Variants in NXPE2 observed in about 807,000 individuals in gnomAD.
The protein encoded by NXPE2 is NXPE family member 2.
A neutral mutation model predicts 34.4 loss-of-function variants in NXPE2; 34 were observed. The ratio of observed to expected loss-of-function variants is 0.99; its 90% CI spans 0.75 to 1.31. The LOEUF is 1.31. Ranked by LOEUF, NXPE2 falls within the 40% of genes most tolerant of loss-of-function variation. The pLI is 0.00. For synonymous variants in NXPE2, 235 were observed against 231.3 expected, an observed-to-expected ratio of 1.02 and a Z score of -0.15; for missense variants, 649 against 672.5, an observed-to-expected ratio of 0.97 and a Z score of 0.39.
chr11:114,522,474 C>A, the NXPE2 span: 15 of 1,605,776 alleles, frequency 9.3e-6, no homozygotes, highest in African/African-American at 1.9e-4. Flanking sequence ...TTAAAGATTC[C>A]AGTTTCATGA....
At chr11:114,740,310 T>C in the NXPE2 span, among the ~76,000 whole-genome samples, 1 of 152,166 alleles carries the variant, frequency 6.6e-6, no homozygotes, top group Non-Finnish European at 1.5e-5. Context: ...GTGGAGCCTA[T>C]AGTGTGTGTA....
chr11:114,743,870 T>A, the NXPE2 span, among the ~76,000 whole-genome samples: 1 of 151,336 alleles, frequency 6.6e-6, no homozygotes, highest in South Asian at 2.1e-4. Flanking sequence ...TATAAGTATA[T>A]ATATGTGTAC....
the NXPE2 span, among the ~76,000 whole-genome samples, chr11:114,592,478 A>G: frequency 6.6e-6 from 1 of 151,994 alleles, no homozygotes; most frequent in African/African-American, 2.4e-5. Flanking sequence ...GATCTCTACA[A>G]TGAAAACTAC....
At chr11:114,673,807 G>C (rs141825777), upstream of NXPE2, among the ~76,000 whole-genome samples, 51 of 151,894 alleles carry the variant, frequency 3.4e-4, no homozygotes, top group African/African-American at 4.8e-4. Context: ...TTCCCACAAA[G>C]ATAGGAAGCC....
chr11:114,502,513 A>G, the NXPE2 span, among the ~76,000 whole-genome samples: 1 of 152,192 alleles, frequency 6.6e-6, no homozygotes, highest in Admixed American at 6.5e-5. Context: ...GGGACTTTCT[A>G]AGATTATGAG....
chr11:114,761,734 C>T, the NXPE2 span, among the ~76,000 whole-genome samples: 7 of 151,584 alleles, frequency 4.6e-5, no homozygotes, highest in South Asian at 1.1e-3. Flanking sequence ...CCACCGCGCC[C>T]GGCTAATTTT....
chr11:114,617,802 G>A, the NXPE2 span, among the ~76,000 whole-genome samples: 2 of 151,944 alleles, frequency 1.3e-5, no homozygotes, highest in East Asian at 1.9e-4. Flanking sequence ...ACGGTTACCC[G>A]ATGGATAATA....
chr11:114,639,816 A>C, the NXPE2 span, among the ~76,000 whole-genome samples: 2 of 120,854 alleles, frequency 1.7e-5, no homozygotes, highest in Non-Finnish European at 3.2e-5. Context: ...AAAATAATAT[A>C]AAATATAATA....
chr11:114,551,509 CAT>C, the NXPE2 span: 2 of 702,522 alleles, frequency 2.8e-6, no homozygotes, highest in African/African-American at 1.9e-5. Context: ...AGTTACAAGA[CAT>C]AACAATTACA....
At chr11:114,530,553 G>C in the NXPE2 span, 1 of 1,613,896 alleles carries the variant, frequency 6.2e-7, no homozygotes, top group Non-Finnish European at 8.5e-7. Flanking sequence ...CTTTCCTGAA[G>C]CACCTGCCGT....
the NXPE2 span, chr11:114,571,416 T>C: frequency 1.9e-6 from 3 of 1,612,702 alleles, no homozygotes; most frequent in Admixed American, 3.3e-5. Flanking sequence ...CCTATCCAAA[T>C]CCACAGCAAG....
the NXPE2 span, among the ~76,000 whole-genome samples, chr11:114,776,546 G>A: frequency 6.6e-6 from 1 of 152,230 alleles, no homozygotes; most frequent in African/African-American, 2.4e-5. Flanking sequence ...GCTGGGCTGC[G>A]ACAGGCTGTC....
chr11:114,535,373 C>A, the NXPE2 span, among the ~76,000 whole-genome samples: 1 of 152,204 alleles, frequency 6.6e-6, no homozygotes, highest in Non-Finnish European at 1.5e-5. Context: ...ACTACATCAA[C>A]TAACGAGCAA....
the NXPE2 span, among the ~76,000 whole-genome samples, chr11:114,513,940 G>GAATGA: frequency 5.3e-5 from 8 of 152,100 alleles, no homozygotes; most frequent in Non-Finnish European, 1.0e-4. Context: ...AGACACAAAA[G>GAATGA]AATGAAGTGT....
At chr11:114,530,269 G>C in the NXPE2 span, 8,860 of 1,614,146 alleles carry the variant, frequency 5.5e-3, 75 homozygotes, top group Middle Eastern at 0.023. Context: ...ATGTGTTGAG[G>C]CTTCATACAA....
chr11:114,706,231 T>C (rs1368285462), intron 5 of NXPE2, among the ~76,000 whole-genome samples, 164 bp from the exon 6 acceptor site: 2 of 152,174 alleles, frequency 1.3e-5, no homozygotes, highest in African/African-American at 2.4e-5. Flanking sequence ...ACAAGTTCAA[T>C]ATTTTGTTAA....
downstream of NXPE2, among the ~76,000 whole-genome samples, chr11:114,711,347 G>T (rs1035846785): frequency 6.6e-6 from 1 of 152,072 alleles, no homozygotes; most frequent in Non-Finnish European, 1.5e-5. Context: ...TCTGTTCACA[G>T]ATGACATGAT....
chr11:114,677,612 C>T (rs146858404), upstream of NXPE2, among the ~76,000 whole-genome samples: 432 of 152,046 alleles, frequency 2.8e-3, 5 homozygotes, highest in Admixed American at 0.019. Flanking sequence ...GCTGTGATTA[C>T]AGTTCTGATA....
the NXPE2 span, among the ~76,000 whole-genome samples, chr11:114,525,638 C>T: frequency 1.3e-5 from 2 of 152,222 alleles, no homozygotes; most frequent in African/African-American, 4.8e-5. Context: ...CTGTGCAGCA[C>T]AGTGAAGGTC....
Sources: allele counts gnomAD v4.1 joint callset (sites outside exome capture counted in the v4.1 genomes callset), GRCh38; gene constraint gnomAD v4.1.1; transcripts MANE v1.5; gene names NCBI Gene and HGNC (gene_info 2026-07-23, HGNC 2026-07-21).